Variants in ZBTB7B observed in about 807,000 individuals in gnomAD.
The protein encoded by ZBTB7B is zinc finger and BTB domain containing 7B.
ZBTB7B carries 8 observed loss-of-function variants against 31.0 expected under a neutral mutation model. The observed-to-expected ratio is 0.26, with a 90% CI of 0.15 to 0.47. ZBTB7B has a LOEUF of 0.47. Among genes scored for constraint, ZBTB7B ranks in the 20% least tolerant of loss-of-function variants. The pLI is 0.99. For synonymous variants in ZBTB7B, 261 were observed against 307.3 expected, an observed-to-expected ratio of 0.85 and a Z score of 1.58; for missense variants, 494 against 742.4, an observed-to-expected ratio of 0.67 and a Z score of 3.89.
At chr1:155,005,570 C>T (rs1658511439) in intron 1 of ZBTB7B, among the ~76,000 whole-genome samples, 1 of 152,224 alleles carries the variant, frequency 6.6e-6, no homozygotes, top group Non-Finnish European at 1.5e-5. Flanking sequence ...TGCCCTCTGA[C>T]AGAAGCCTCT....
chr1:155,015,527 G>T lies in ZBTB7B; in HGVS notation c.867G>T (p.Gly289=), dbSNP rs1210975180. The T allele has an allele frequency of 1.9e-6, 3 of 1,613,790 alleles. No homozygotes were observed. Among genetic ancestry groups the T allele is most frequent in the Non-Finnish European group, 1.7e-6 (2 of 1,179,944 alleles). ...EEELVYPPAY[G]LAQGGGPPLS... ...AGCTGGTATATCCCCCAGCCTATGG[G>T]CTGGCGCAGGGTGGCGGGCCCCCGC... is the stretch of plus-strand genomic sequence containing the variant. Residue 289 remains glycine (G), a synonymous_variant, in exon 2 of 3, where the codon GGG becomes GGT. Coordinates refer to ENST00000535420, the MANE Select transcript of ZBTB7B (RefSeq NM_001256455.2).
At chr1:155,013,393 C>T (rs1396292579) in intron 1 of ZBTB7B, among the ~76,000 whole-genome samples, 1 of 152,198 alleles carries the variant, frequency 6.6e-6, no homozygotes, top group East Asian at 1.9e-4. Flanking sequence ...AAGGTCTGAG[C>T]CATTGGGGCC....
chr1:155,014,886 G>T lies in ZBTB7B; in HGVS notation c.226G>T (p.Gly76Cys). 3.1e-6 allele frequency: 5 copies of T among 1,614,150 alleles called. No individual in the cohort carries two copies. Among genetic ancestry groups the T allele is most frequent in the Non-Finnish European group, 4.2e-6 (5 of 1,180,028 alleles). Residue 76 changes from glycine to cysteine, a missense_variant, in exon 2 of 3, where the codon GGT (glycine) becomes TGT (cysteine). By Grantham distance (159) the Gly-to-Cys change is radical (BLOSUM62 -3). Coordinates refer to ENST00000535420, the MANE Select transcript of ZBTB7B (RefSeq NM_001256455.2). ...GGGGAVMGAGGSGTATGGAGA... is the reference protein window; with the variant it reads ...GGGGAVMGAGCSGTATGGAGA... ...TGGCGGAGCTGTCATGGGGGCCGGG[G>T]GTAGCGGGACGGCCACTGGGGGAGC...
intron 1 of ZBTB7B, among the ~76,000 whole-genome samples, chr1:155,009,566 A>C (rs1325744587): frequency 6.6e-6 from 1 of 152,090 alleles, no homozygotes; most frequent in African/African-American, 2.4e-5. Flanking sequence ...CCAGGGCTGG[A>C]AACTCTGACG....
At position 155,016,812 on chromosome 1, in the gene ZBTB7B, T is replaced by G; in HGVS notation, c.*127T>G. On this transcript the variant is annotated 3_prime_UTR_variant, in exon 3 of 3. Transcript: ENST00000535420. This position sits in a 1 kb window ranked among gnomAD's most constrained non-coding sequence, Gnocchi z 4.3. Reference sequence around the variant, plus strand: ...CCTTGCTGGCATCAGCATCAGCCCTTCCTCCCAGAGCCCTCATTCCAATTC... The same window carrying G: ...CCTTGCTGGCATCAGCATCAGCCCTGCCTCCCAGAGCCCTCATTCCAATTC... The G allele has an allele frequency of 1.6e-6, 1 of 619,198 alleles. No homozygotes were observed. Among genetic ancestry groups the G allele is most frequent in the Non-Finnish European group, 2.8e-6 (1 of 353,810 alleles). The allele number at this position is 619,198 out of a possible 1,614,324, so 38.4% of individuals were successfully genotyped here. A position where few individuals can be genotyped will look rare whatever the true frequency, so the allele number is the denominator to read the frequency against.
chr1:155,007,460 C>T (rs952662426), intron 1 of ZBTB7B, among the ~76,000 whole-genome samples: 4 of 152,202 alleles, frequency 2.6e-5, no homozygotes, highest in Admixed American at 2.0e-4. Flanking sequence ...GGGGGAATGC[C>T]GGGAGGTTGG....
At chr1:155,010,121 G>C (rs567518161) in intron 1 of ZBTB7B, 30 of 152,514 alleles carry the variant, frequency 2.0e-4, no homozygotes, top group African/African-American at 7.2e-4. Context: ...CTAAGGCTGA[G>C]AGAGTTGCCC....
chr1:155,015,817 G>T lies in ZBTB7B; in HGVS notation c.1154+3G>T. Reference sequence around the variant, plus strand: ...GTCTGCGGTGTTCGATTCACCAGGTGAGCAGCAAGGGGGGAAGGGCCCGGC... The same window carrying T: ...GTCTGCGGTGTTCGATTCACCAGGTTAGCAGCAAGGGGGGAAGGGCCCGGC... On this transcript the variant is annotated splice_donor_region_variant and intron_variant, in intron 2 of 2. Transcript: ENST00000535420. 6.2e-7 allele frequency: 1 copy of T among 1,606,642 alleles called. No individual in the cohort carries two copies. The highest frequency in any genetic ancestry group is 1.1e-5 in the South Asian group (1 of 90,814).
rs1423929023 is a variant in ZBTB7B at position 155,017,006 on chromosome 1, CT to C, written c.*323del. 7.7e-6 allele frequency: 2 copies of C among 258,506 alleles called. No homozygotes were observed. The highest frequency in any genetic ancestry group is 4.4e-5 in the African/African-American group (2 of 45,428). The allele number at this position is 258,506 out of a possible 1,614,324, so 16.0% of individuals were successfully genotyped here. Reference sequence around the variant, plus strand: ...ATGTATTTCTAATTTGTGGGTCCCACTTCGGCTATGCGGGTTTCTAGGGGGT... The same window carrying C: ...ATGTATTTCTAATTTGTGGGTCCCACTCGGCTATGCGGGTTTCTAGGGGGT... On this transcript the variant is annotated 3_prime_UTR_variant, in exon 3 of 3. Transcript: ENST00000535420.
rs767498535 is a variant in ZBTB7B at position 155,015,188 on chromosome 1, T to A, written c.528T>A (p.Asn176Lys). The change falls in exon 2 of 3, where the codon AAT (asparagine) becomes AAA (lysine). Residue 176 changes from asparagine to lysine, a missense_variant. By Grantham distance (94) the Asn-to-Lys change is moderately conservative. Transcript: ENST00000535420. ...FATATASGVP[N>K]GEDSPPQVPL... is the part of the protein sequence containing the mutation. ...CAGCCACGGCCTCTGGAGTTCCCAA[T>A]GGTGAAGACAGTCCTCCACAGGTGC... is the stretch of plus-strand genomic sequence containing the variant. The A allele has an allele frequency of 6.2e-7, 1 of 1,613,718 alleles. No homozygotes were observed. The highest frequency in any genetic ancestry group is 1.1e-5 in the South Asian group (1 of 91,088).
intron 1 of ZBTB7B, among the ~76,000 whole-genome samples, chr1:155,013,564 G>A (rs997269250): frequency 1.3e-4 from 19 of 150,916 alleles, no homozygotes; most frequent in African/African-American, 4.7e-4. Flanking sequence ...CAGCCTTGGT[G>A]CTCTGCACCC....
chr1:155,010,721 C>G (rs1197764439), intron 1 of ZBTB7B, among the ~76,000 whole-genome samples: 1 of 152,018 alleles, frequency 6.6e-6, no homozygotes, highest in African/African-American at 2.4e-5. Context: ...ATTTCCCCAC[C>G]CCCCTGGTCC....
At position 155,016,749 on chromosome 1, in the gene ZBTB7B, C is replaced by T. The variant is rs115215947; in HGVS notation, c.*64C>T. 3.3e-4 allele frequency: 308 copies of T among 945,638 alleles called. 2 individuals carry two copies. In the African/African-American group the frequency reaches 4.3e-3, roughly 13 times the overall value. The allele number at this position is 945,638 out of a possible 1,614,324, so 58.6% of individuals were successfully genotyped here. ...GGACACCCATGCCAAGCAGTGGGAGCACGCAGGACAGACACAGCAGGGGTC... is the reference window on the plus strand; with the variant it reads ...GGACACCCATGCCAAGCAGTGGGAGTACGCAGGACAGACACAGCAGGGGTC... On this transcript the variant is annotated 3_prime_UTR_variant, in exon 3 of 3. Coordinates refer to ENST00000535420, the MANE Select transcript of ZBTB7B (RefSeq NM_001256455.2). The surrounding 1 kb of genome is among the most constrained non-coding windows in gnomAD (Gnocchi z 4.3).
chr1:155,006,781 C>T (rs2102276173), intron 1 of ZBTB7B, among the ~76,000 whole-genome samples: 1 of 152,218 alleles, frequency 6.6e-6, no homozygotes, highest in South Asian at 2.1e-4. Context: ...CAACAGACAT[C>T]CTCTCCTCCT....
intron 1 of ZBTB7B, among the ~76,000 whole-genome samples, chr1:155,013,066 A>C (rs1377372200): frequency 6.6e-6 from 1 of 152,194 alleles, no homozygotes; most frequent in Non-Finnish European, 1.5e-5. Flanking sequence ...TTTTCTTAAC[A>C]GAGGCCATCT....
chr1:155,016,134 T>A lies in ZBTB7B; in HGVS notation c.1155-86T>A. On this transcript the variant is annotated intron_variant, in intron 2 of 2. Transcript: ENST00000535420. This position sits in a 1 kb window ranked among gnomAD's most constrained non-coding sequence, Gnocchi z 4.3. ...GGTAACAAATGGTGAGGAACAGGGA[T>A]GGGACAAGGCCAGGGTGGGATGACC... is the stretch of plus-strand genomic sequence containing the variant. The A allele has an allele frequency of 1.4e-6, 2 of 1,417,338 alleles. No homozygotes were observed. The highest frequency in any genetic ancestry group is 1.9e-6 in the Non-Finnish European group (2 of 1,028,146). 87.8% of individuals were successfully genotyped at this position (1,417,338 alleles called of 1,614,324 possible).
At position 155,016,570 on chromosome 1, in the gene ZBTB7B, G is replaced by C. The variant is rs2102318152; in HGVS notation, c.1505G>C (p.Trp502Ser). 6.2e-7 allele frequency: 1 copy of C among 1,613,966 alleles called. No individual in the cohort carries two copies. Among genetic ancestry groups the C allele is most frequent in the Non-Finnish European group, 8.5e-7 (1 of 1,179,910 alleles). Residue 502 changes from tryptophan (W) to serine (S), a missense_variant, in exon 3 of 3, where the codon TGG (tryptophan) becomes TCG (serine). Physicochemically the swap from Trp to Ser is radical, Grantham distance 177. Coordinates refer to ENST00000535420, the MANE Select transcript of ZBTB7B (RefSeq NM_001256455.2). This position sits in a 1 kb window ranked among gnomAD's most constrained non-coding sequence, Gnocchi z 4.3. ...DTFRLSLARF[W>S]EQSAPTGPPV... ...TTCCGCCTCTCTCTAGCTCGATTCT[G>C]GGAGCAGTCAGCCCCCACTGGGCCC... is the stretch of plus-strand genomic sequence containing the variant.
Position 155,016,758 on chromosome 1 carries a change from C to CA in ZBTB7B, c.*74dup. 1 of 852,710 alleles carries CA rather than the reference C, an allele frequency of 1.2e-6. No individual in the cohort carries two copies. Among genetic ancestry groups the CA allele is most frequent in the Admixed American group, 2.9e-5 (1 of 34,412 alleles). The allele number at this position is 852,710 out of a possible 1,614,324, so 52.8% of individuals were successfully genotyped here. ...TGCCAAGCAGTGGGAGCACGCAGGA[C>CA]AGACACAGCAGGGGTCTGGGGCACG... is the stretch of plus-strand genomic sequence containing the variant. On this transcript the variant is annotated 3_prime_UTR_variant, in exon 3 of 3. Transcript: ENST00000535420. The surrounding 1 kb of genome is among the most constrained non-coding windows in gnomAD (Gnocchi z 4.3).
At chr1:155,014,567 C>A in intron 1 of ZBTB7B, 88 bp from the exon 2 acceptor site, 1 of 1,236,960 alleles carries the variant, frequency 8.1e-7, no homozygotes, top group Non-Finnish European at 1.1e-6. Context: ...GCAGTCATCC[C>A]TCAATAAGTA....
Sources: gnomAD v4.1 joint callset for allele counts (sites outside exome capture counted in the v4.1 genomes callset) on GRCh38, gnomAD v4.1.1 for gene constraint, Gnocchi (gnomAD v3.1) non-coding constraint, MANE v1.5 for transcripts, NCBI Gene and HGNC (gene_info 2026-07-23, HGNC 2026-07-21) for gene names.